The following LARGE1 variants were observed in gnomAD, a reference collection of about 807,000 sequenced individuals.
The protein encoded by LARGE1 is xylosyl- and glucuronyltransferase LARGE1.
A neutral mutation model predicts 87.6 loss-of-function variants in LARGE1; 43 were observed. The observed-to-expected ratio is 0.49, with a 90% confidence interval of 0.38 to 0.63. The LOEUF (loss-of-function observed/expected upper bound fraction) is 0.63, where lower values mean the gene tolerates loss of function less well. Among genes scored for constraint, LARGE1 ranks in the 30% least tolerant of loss-of-function variants. The probability of loss-of-function intolerance (pLI) is 0.00; values close to 1 mark genes in which losing one functional copy is unlikely to be tolerated. For synonymous variants in LARGE1, 434 were observed against 394.6 expected, an observed-to-expected ratio of 1.10 and a Z score of -1.18; for missense variants, 802 against 1,000.2, an observed-to-expected ratio of 0.80 and a Z score of 2.67.
chr22:33,851,156 TAAG>T (rs1390969377), intron 1 of LARGE1, among the ~76,000 whole-genome samples: 1 of 152,230 alleles, frequency 6.6e-6, no homozygotes, highest in Non-Finnish European at 1.5e-5. Flanking sequence ...CCATGTGAGA[TAAG>T]GAGGAGAGAT....
In LARGE1 at chr22:33,524,304, AAT is replaced by A. The variant is rs2071768285; in HGVS notation, c.787+40542_787+40543del. 1.4e-5 allele frequency among the ~76,000 whole-genome samples: 2 copies of A among 144,046 alleles called. 1 individual carries two copies. Among genetic ancestry groups the A allele is most frequent in the Non-Finnish European group, 3.0e-5 (2 of 66,180 alleles). 94.5% of individuals were successfully genotyped at this position (144,046 alleles called of 152,430 possible). A position where few individuals can be genotyped will look rare whatever the true frequency, so the allele number is the denominator to read the frequency against. ...AGACTCCCCTCAAAAAAAAAAAAAT[AAT>A]AATAATAATAAAATCAAGCCCATTT... On this transcript the variant is annotated intron_variant, in intron 6 of 14. Coordinates refer to ENST00000397394, the MANE Select transcript of LARGE1 (RefSeq NM_133642.5).
At chr22:33,307,403 A>G (rs1935051432) in intron 11 of LARGE1, among the ~76,000 whole-genome samples, 1 of 152,180 alleles carries the variant, frequency 6.6e-6, no homozygotes, top group Non-Finnish European at 1.5e-5. Flanking sequence ...TAGGCTGAGA[A>G]CAATGTTCCC....
At chr22:33,747,765 A>G (rs910998174) in intron 2 of LARGE1, 1 of 152,198 alleles carries the variant, frequency 6.6e-6, no homozygotes, top group African/African-American at 2.4e-5. Context: ...GTGCGGAATG[A>G]ATGAATAACC....
intron 9 of LARGE1, among the ~76,000 whole-genome samples, chr22:33,373,498 C>G (rs566269604): frequency 2.0e-5 from 3 of 152,142 alleles, no homozygotes; most frequent in Non-Finnish European, 4.4e-5. Context: ...AGATTCATGT[C>G]TCAGAAGTTC....
Position 33,665,686 on chromosome 22 carries a change from A to C in LARGE1, c.107-15018T>G, listed in dbSNP as rs1400082303. ...GGCAGGCGGATCATGAAGTCAGGAG[A>C]TGGAGACCATCCTGGCTAACACGGC... On this transcript the variant is annotated intron_variant, in intron 2 of 14. Transcript: ENST00000397394. 9.9e-5 allele frequency among the ~76,000 whole-genome samples: 15 copies of C among 152,170 alleles called. No homozygotes were observed. In the South Asian group the frequency reaches 2.9e-3, roughly 29 times the overall value.
At position 33,650,430 on chromosome 22, in the gene LARGE1, C is replaced by A; in HGVS notation, c.345G>T (p.Arg115=). The A allele has an allele frequency of 6.2e-7, 1 of 1,614,162 alleles. No individual in the cohort carries two copies. The highest frequency in any genetic ancestry group is 8.5e-7 in the Non-Finnish European group (1 of 1,180,042). Residue 115 remains arginine (R), a synonymous_variant, in exon 3 of 15, where the codon CGG becomes CGT. Coordinates refer to ENST00000397394, the MANE Select transcript of LARGE1 (RefSeq NM_133642.5). ...EEGTGDSENL[R]AGIVAGNSSE... ...AGCTGTTGCCTGCCACGATGCCAGC[C>A]CGAAGGTTCTCGCTGTCTCCAGTGC...
chr22:33,850,646 T>C (rs2146500207), intron 1 of LARGE1, among the ~76,000 whole-genome samples: 2 of 152,336 alleles, frequency 1.3e-5, no homozygotes, highest in South Asian at 4.1e-4. Context: ...CCCTCTTTAA[T>C]ACGGTAGACT....
At chr22:33,285,819 A>G (rs1931428641) in intron 12 of LARGE1, among the ~76,000 whole-genome samples, 1 of 152,092 alleles carries the variant, frequency 6.6e-6, no homozygotes, top group Non-Finnish European at 1.5e-5. Context: ...TCCCAGAAGG[A>G]CACAGGACAT....
chr22:33,683,019 T>C (rs981324990), intron 2 of LARGE1, among the ~76,000 whole-genome samples: 5 of 152,268 alleles, frequency 3.3e-5, no homozygotes, highest in Admixed American at 6.5e-5. Context: ...TGGTCTCCTA[T>C]ATGACAAGAA....
chr22:33,482,137 G>A lies in LARGE1; in HGVS notation c.788-49872C>T, dbSNP rs144270548. ...GATTGCTACATTTTATGACCAATTT[G>A]AATCAGGAATTAGGTAGAATTATTT... On this transcript the variant is annotated intron_variant, in intron 6 of 14. Transcript: ENST00000397394. Among the ~76,000 whole-genome samples the A allele has an allele frequency of 3.5e-3, 538 of 152,258 alleles. 3 individuals carry two copies. The highest frequency in any genetic ancestry group is 7.1e-3 in the Admixed American group (108 of 15,304).
chr22:33,291,767 G>A (rs1335471076), intron 12 of LARGE1, among the ~76,000 whole-genome samples: 4 of 151,176 alleles, frequency 2.6e-5, no homozygotes, highest in Non-Finnish European at 5.9e-5. Context: ...AGAACATGGC[G>A]TTCCTCCCCT....
At chr22:33,657,430 T>A (rs2080996179) in intron 2 of LARGE1, among the ~76,000 whole-genome samples, 1 of 152,168 alleles carries the variant, frequency 6.6e-6, no homozygotes, top group South Asian at 2.1e-4. Context: ...GTCATCAAAC[T>A]TTTTCTGTAA....
intron 6 of LARGE1, among the ~76,000 whole-genome samples, chr22:33,433,042 C>T (rs1449937854): frequency 6.6e-6 from 1 of 152,136 alleles, no homozygotes; most frequent in East Asian, 1.9e-4. Context: ...TGTCTCTGGG[C>T]CTTCACATCT....
chr22:33,734,580 C>T (rs1329261690), intron 2 of LARGE1, among the ~76,000 whole-genome samples: 1 of 152,130 alleles, frequency 6.6e-6, no homozygotes, highest in African/African-American at 2.4e-5. Context: ...TGCGGGAGGG[C>T]TTTTTGCTTT....
At chr22:33,424,359 T>C (rs549630235) in intron 7 of LARGE1, among the ~76,000 whole-genome samples, 3 of 152,286 alleles carry the variant, frequency 2.0e-5, no homozygotes, top group South Asian at 2.1e-4. Flanking sequence ...CCAATCAGGA[T>C]TGGAAAAGGT....
chr22:33,780,266 G>C (rs1215856048), intron 1 of LARGE1, among the ~76,000 whole-genome samples: 1 of 152,196 alleles, frequency 6.6e-6, no homozygotes, highest in Non-Finnish European at 1.5e-5. Context: ...GTCACATTCT[G>C]AGGCACTGAG....
chr22:33,561,389 C>T (rs375511876), intron 6 of LARGE1, among the ~76,000 whole-genome samples: 3 of 152,320 alleles, frequency 2.0e-5, no homozygotes, highest in African/African-American at 7.2e-5. Flanking sequence ...GAACACAGGT[C>T]AGACAAGAGC....
At chr22:33,897,047 A>T (rs897997151) in intron 1 of LARGE1, among the ~76,000 whole-genome samples, 2 of 152,076 alleles carry the variant, frequency 1.3e-5, no homozygotes, top group African/African-American at 4.8e-5. Flanking sequence ...CTTCACCCCA[A>T]CGTTAGCAGA....
At chr22:33,819,161 CG>C (rs1220747314) in intron 1 of LARGE1, among the ~76,000 whole-genome samples, 1 of 152,158 alleles carries the variant, frequency 6.6e-6, no homozygotes, top group African/African-American at 2.4e-5. Context: ...AGAGTTCACA[CG>C]GGCTCCTGGG....
Sources: gnomAD v4.1 joint callset for allele counts (sites outside exome capture counted in the v4.1 genomes callset) on GRCh38, gnomAD v4.1.1 for gene constraint, MANE v1.5 for transcripts, NCBI Gene and HGNC (gene_info 2026-07-23, HGNC 2026-07-21) for gene names.